AKT3: variants seen among roughly 807,000 people sequenced by gnomAD.
AKT3 encodes RAC-gamma serine/threonine-protein kinase.
In AKT3, 15 loss-of-function variants were observed where a neutral mutation model predicts 65.3. The ratio of observed to expected loss-of-function variants is 0.23; its 90% CI spans 0.15 to 0.35. The LOEUF (loss-of-function observed/expected upper bound fraction) is 0.35, where lower values mean the gene tolerates loss of function less well. Among genes scored for constraint, AKT3 ranks in the 10% least tolerant of loss-of-function variants. The probability of loss-of-function intolerance (pLI) is 1.00; values close to 1 mark genes in which losing one functional copy is unlikely to be tolerated. For synonymous variants in AKT3, 206 were observed against 183.8 expected (o/e 1.12, Z -0.98); for missense variants, 243 against 576.5 (o/e 0.42, Z 5.92).
chr1:243,545,696 A>G (rs1317094221), intron 11 of AKT3, 99 bp from the exon 12 acceptor site: 5 of 836,502 alleles, frequency 6.0e-6, no homozygotes, highest in Admixed American at 2.3e-5. Flanking sequence ...TCTGTGTAAT[A>G]AACAGTTCTT....
chr1:243,789,584 T>G (rs1691488151), intron 2 of AKT3, among the ~76,000 whole-genome samples: 1 of 152,164 alleles, frequency 6.6e-6, no homozygotes, highest in African/African-American at 2.4e-5. Flanking sequence ...GGGTTGAAAT[T>G]CAACTTTTTC....
chr1:243,680,520 G>A (rs541255542), intron 3 of AKT3, among the ~76,000 whole-genome samples: 1 of 151,796 alleles, frequency 6.6e-6, no homozygotes, highest in East Asian at 1.9e-4. Context: ...TAAATTCCAA[G>A]GCTTAAAGGT....
chr1:243,535,977 A>G (rs1671898067), intron 12 of AKT3, among the ~76,000 whole-genome samples: 1 of 152,080 alleles, frequency 6.6e-6, no homozygotes, highest in Admixed American at 6.5e-5. Flanking sequence ...ATGATTTGTG[A>G]TGTTGAACAT....
chr1:243,547,291 T>G (rs1672745438), intron 11 of AKT3, among the ~76,000 whole-genome samples: 1 of 152,168 alleles, frequency 6.6e-6, no homozygotes, highest in African/African-American at 2.4e-5. Context: ...CAGATAACAG[T>G]GAAACATAAC....
intron 11 of AKT3, among the ~76,000 whole-genome samples, chr1:243,550,134 T>C (rs886722062): frequency 6.6e-6 from 1 of 152,196 alleles, no homozygotes; most frequent in African/African-American, 2.4e-5. Flanking sequence ...GTACTTTGTA[T>C]GTAGTTTGAC....
intron 2 of AKT3, among the ~76,000 whole-genome samples, chr1:243,721,654 T>C (rs1686914105): frequency 6.6e-6 from 1 of 152,148 alleles, no homozygotes; most frequent in Admixed American, 6.5e-5. Context: ...CCCTTATAAT[T>C]CTTATATTTT....
At chr1:243,492,070 C>T (rs1389549232) in intron 13 of AKT3, among the ~76,000 whole-genome samples, 1 of 151,996 alleles carries the variant, frequency 6.6e-6, no homozygotes, top group Non-Finnish European at 1.5e-5. Flanking sequence ...CCTGTGGCCT[C>T]CAACAGGAAG....
intron 1 of AKT3, among the ~76,000 whole-genome samples, chr1:243,846,475 G>A (rs1695527974): frequency 6.6e-6 from 1 of 152,034 alleles, no homozygotes; most frequent in Non-Finnish European, 1.5e-5. Context: ...TGGTGATAGA[G>A]TACTGAAAAG....
intron 2 of AKT3, among the ~76,000 whole-genome samples, chr1:243,699,361 G>T (rs760928273): frequency 6.6e-6 from 1 of 150,516 alleles, no homozygotes; most frequent in Non-Finnish European, 1.5e-5. Flanking sequence ...TTGTTCAATG[G>T]ACACCCACCA....
At chr1:243,602,496 T>C (rs746892294) in intron 8 of AKT3, among the ~76,000 whole-genome samples, 2 of 152,168 alleles carry the variant, frequency 1.3e-5, no homozygotes, top group African/African-American at 2.4e-5. Flanking sequence ...ATTAAATTAA[T>C]TTAAAAATCA....
At chr1:243,830,362 C>A (rs1259520932) in intron 2 of AKT3, among the ~76,000 whole-genome samples, 1 of 152,072 alleles carries the variant, frequency 6.6e-6, no homozygotes, top group African/African-American at 2.4e-5. Flanking sequence ...GGAACCAACC[C>A]CCCGTGGATA....
chr1:243,608,996 C>T (rs1034065203), intron 8 of AKT3, among the ~76,000 whole-genome samples: 13 of 151,742 alleles, frequency 8.6e-5, no homozygotes, highest in African/African-American at 3.1e-4. Flanking sequence ...TCGTGATCTG[C>T]CCGCCTCAGC....
chr1:243,650,645 C>A (rs1246527985), intron 4 of AKT3, among the ~76,000 whole-genome samples: 1 of 152,110 alleles, frequency 6.6e-6, no homozygotes, highest in African/African-American at 2.4e-5. Flanking sequence ...TTTCCCAACA[C>A]CATTTATTAA....
chr1:243,849,880 C>T (rs914552738), intron 1 of AKT3, among the ~76,000 whole-genome samples, 160 bp downstream of exon 1: 1 of 151,836 alleles, frequency 6.6e-6, no homozygotes, highest in Non-Finnish European at 1.5e-5. Context: ...AGCCCCCGCC[C>T]ACGCCCCCGG....
chr1:243,700,937 G>A (rs1047587635), intron 2 of AKT3, among the ~76,000 whole-genome samples: 7 of 152,132 alleles, frequency 4.6e-5, no homozygotes, highest in Non-Finnish European at 8.8e-5. Context: ...TCAAACCAGA[G>A]CTCACCAAAA....
intron 2 of AKT3, among the ~76,000 whole-genome samples, chr1:243,697,912 AGAG>A (rs1269431530): frequency 1.3e-5 from 2 of 152,166 alleles, no homozygotes; most frequent in South Asian, 2.1e-4. Flanking sequence ...ATGAATAAAT[AGAG>A]GATACGTAGA....
At chr1:243,759,837 T>C (rs781451210) in intron 2 of AKT3, among the ~76,000 whole-genome samples, 1 of 152,188 alleles carries the variant, frequency 6.6e-6, no homozygotes, top group Non-Finnish European at 1.5e-5. Context: ...AAATATCAGA[T>C]TGAATAATTC....
At chr1:243,686,012 C>T (rs144738484) in intron 3 of AKT3, among the ~76,000 whole-genome samples, 11 of 152,176 alleles carry the variant, frequency 7.2e-5, no homozygotes, top group Non-Finnish European at 1.0e-4. Context: ...ACAATTGCTA[C>T]AAAGAGAACA....
chr1:243,644,701 C>A (rs1407295959), intron 5 of AKT3, among the ~76,000 whole-genome samples: 1 of 152,080 alleles, frequency 6.6e-6, no homozygotes, highest in African/African-American at 2.4e-5. Context: ...AAGAAAAATC[C>A]ATAGAGGTAT....
Sources: allele counts gnomAD v4.1 joint callset (sites outside exome capture counted in the v4.1 genomes callset), GRCh38; gene constraint gnomAD v4.1.1; transcripts MANE v1.5; gene names NCBI Gene and HGNC (gene_info 2026-07-23, HGNC 2026-07-21).